RAB31: variants seen among roughly 807,000 people sequenced by gnomAD.
The protein encoded by RAB31 is ras-related protein Rab-31.
RAB31 carries 21 observed loss-of-function variants against 25.6 expected under a neutral mutation model. The ratio of observed to expected loss-of-function variants is 0.82; its 90% CI spans 0.58 to 1.18. The LOEUF is 1.18. Among genes scored for constraint, RAB31 ranks in the 50% most tolerant of loss-of-function variants. RAB31 has a pLI of 0.00. For missense variants in RAB31, 196 were observed against 250.1 expected, an observed-to-expected ratio of 0.78 and a Z score of 1.46; for synonymous variants, 87 against 84.0, an observed-to-expected ratio of 1.04 and a Z score of -0.20.
In RAB31 at chr18:9,823,954, C is replaced by T. The variant is rs1419660404; in HGVS notation, c.380+8732C>T. Among the ~76,000 whole-genome samples the T allele has an allele frequency of 3.3e-5, 5 of 152,306 alleles. No individual in the cohort carries two copies. The East Asian group carries it at 5.8e-4, about 18-fold the overall frequency. Reference sequence around the variant, plus strand: ...CCTAGTGGGCACCGGCTTGTTGACACGTTTCTATGGTGGGGGAATCGGTTC... The same window carrying T: ...CCTAGTGGGCACCGGCTTGTTGACATGTTTCTATGGTGGGGGAATCGGTTC... On this transcript the variant is annotated intron_variant, in intron 5 of 6. Coordinates refer to ENST00000578921, the MANE Select transcript of RAB31 (RefSeq NM_006868.4).
chr18:9,764,662 G>A (rs1040057656), intron 1 of RAB31, among the ~76,000 whole-genome samples: 1 of 152,028 alleles, frequency 6.6e-6, no homozygotes, highest in East Asian at 1.9e-4. Flanking sequence ...TTATTTTTTC[G>A]TATTCTCTGG....
intron 5 of RAB31, among the ~76,000 whole-genome samples, chr18:9,817,553 G>T (rs2068605128): frequency 6.6e-6 from 1 of 152,126 alleles, no homozygotes; most frequent in Non-Finnish European, 1.5e-5. Flanking sequence ...ACAGGCGTGT[G>T]TGGCCAAGAG....
At chr18:9,813,239 C>A (rs1203380701) in intron 3 of RAB31, among the ~76,000 whole-genome samples, 1 of 152,130 alleles carries the variant, frequency 6.6e-6, no homozygotes, top group African/African-American at 2.4e-5. Context: ...CCCCTCCAGA[C>A]CCGAGGCAGC....
intron 6 of RAB31, among the ~76,000 whole-genome samples, chr18:9,847,394 AG>A (rs2068767202): frequency 6.6e-6 from 1 of 152,180 alleles, no homozygotes; most frequent in African/African-American, 2.4e-5. Context: ...GAAGACCCCC[AG>A]CACAGATATC....
chr18:9,728,809 G>A (rs2068107688), intron 1 of RAB31, among the ~76,000 whole-genome samples: 1 of 152,130 alleles, frequency 6.6e-6, no homozygotes, highest in Admixed American at 6.5e-5. Flanking sequence ...TAAGTGCTGG[G>A]ATTACAGGCG....
chr18:9,813,437 T>C (rs2068585143), intron 3 of RAB31, among the ~76,000 whole-genome samples: 1 of 152,174 alleles, frequency 6.6e-6, no homozygotes, highest in South Asian at 2.1e-4. Flanking sequence ...GAAAAGAAAA[T>C]TCACAAGATG....
rs149147951 is a variant in RAB31 at position 9,859,344 on chromosome 18, C to A, written c.*19C>A. On this transcript the variant is annotated 3_prime_UTR_variant, in exon 7 of 7. Coordinates refer to ENST00000578921, the MANE Select transcript of RAB31 (RefSeq NM_006868.4). ...CTGTTGACCCAAGGGCCGTGGTCCA[C>A]GGTACTTGAAGAAGCCAGAGCCCAC... The A allele has an allele frequency of 6.3e-7, 1 of 1,592,490 alleles. No individual in the cohort carries two copies.
intron 3 of RAB31, among the ~76,000 whole-genome samples, chr18:9,804,150 C>A (rs1249208475): frequency 2.6e-5 from 4 of 152,232 alleles, no homozygotes; most frequent in Non-Finnish European, 5.9e-5. Flanking sequence ...ACACGGGCTT[C>A]TGCCCTGCTC....
intron 1 of RAB31, among the ~76,000 whole-genome samples, chr18:9,771,680 C>A (rs1459032464): frequency 3.9e-5 from 6 of 152,210 alleles, no homozygotes; most frequent in African/African-American, 1.4e-4. Flanking sequence ...TGGTGGCCAG[C>A]CGAGGAACAG....
At chr18:9,790,065 A>G (rs2068452591) in intron 2 of RAB31, among the ~76,000 whole-genome samples, 2 of 152,194 alleles carry the variant, frequency 1.3e-5, no homozygotes, top group South Asian at 4.1e-4. Context: ...AAGTAAGGTG[A>G]AGAACCCCTG....
At chr18:9,785,720 T>C (rs562448256) in intron 2 of RAB31, among the ~76,000 whole-genome samples, 6 of 152,290 alleles carry the variant, frequency 3.9e-5, no homozygotes, top group African/African-American at 1.4e-4. Context: ...TTGCTGGGTT[T>C]TGATCATGCA....
intron 5 of RAB31, among the ~76,000 whole-genome samples, chr18:9,843,232 T>G (rs1427412738): frequency 6.6e-6 from 1 of 152,178 alleles, no homozygotes; most frequent in Non-Finnish European, 1.5e-5. Context: ...CCCCACCCTT[T>G]ATCTGTGCTT....
At chr18:9,819,408 A>T (rs2068614544) in intron 5 of RAB31, among the ~76,000 whole-genome samples, 1 of 146,062 alleles carries the variant, frequency 6.8e-6, no homozygotes, top group African/African-American at 2.5e-5. Context: ...TGTGCTCTTA[A>T]CTTTATTAGT....
At chr18:9,757,924 T>C (rs1266734681) in intron 1 of RAB31, 1 of 152,242 alleles carries the variant, frequency 6.6e-6, no homozygotes, top group Non-Finnish European at 1.5e-5. Flanking sequence ...TCTTCTTCCT[T>C]GTGTAAGAGC....
At chr18:9,778,360 C>T (rs926896725) in intron 2 of RAB31, among the ~76,000 whole-genome samples, 6 of 152,218 alleles carry the variant, frequency 3.9e-5, no homozygotes, top group South Asian at 2.1e-4. Context: ...AAATGCATTT[C>T]GGTGGTTTGG....
At chr18:9,779,408 T>C (rs904148597) in intron 2 of RAB31, among the ~76,000 whole-genome samples, 1 of 152,206 alleles carries the variant, frequency 6.6e-6, no homozygotes, top group African/African-American at 2.4e-5. Context: ...TCTGTGGACA[T>C]GCAGGTATAC....
At chr18:9,821,116 A>G (rs1039585195) in intron 5 of RAB31, among the ~76,000 whole-genome samples, 2 of 152,102 alleles carry the variant, frequency 1.3e-5, no homozygotes, top group Non-Finnish European at 2.9e-5. Flanking sequence ...TCGTGTTCTA[A>G]CCCATTGTTT....
intron 1 of RAB31, among the ~76,000 whole-genome samples, chr18:9,753,316 G>T (rs1237194983): frequency 6.6e-6 from 1 of 152,148 alleles, no homozygotes; most frequent in Non-Finnish European, 1.5e-5. Context: ...GACAGGAGTG[G>T]TATTAATGGG....
rs141065982 is a variant in RAB31 at position 9,839,343 on chromosome 18, C to T, written c.381-6239C>T. Among the ~76,000 whole-genome samples, 79 of 152,284 alleles carry T rather than the reference C, an allele frequency of 5.2e-4. 1 individual carries two copies. In the East Asian group the frequency reaches 0.014, roughly 28 times the overall value. Reference sequence around the variant, plus strand: ...GGAAGAGTAAGGCATGAAGCCCCGTCCTGCTAAGGCGTTGGTTTGATTCTC... The same window carrying T: ...GGAAGAGTAAGGCATGAAGCCCCGTTCTGCTAAGGCGTTGGTTTGATTCTC... On this transcript the variant is annotated intron_variant, in intron 5 of 6. Transcript: ENST00000578921.
Sources: allele counts gnomAD v4.1 joint callset (sites outside exome capture counted in the v4.1 genomes callset), GRCh38; gene constraint gnomAD v4.1.1; transcripts MANE v1.5; gene names NCBI Gene and HGNC (gene_info 2026-07-23, HGNC 2026-07-21).